ADK: variants seen among roughly 807,000 people sequenced by gnomAD.
ADK encodes the protein N6,N6-dimethyladenosine kinase.
Under a neutral mutation model 44.7 loss-of-function variants are expected in ADK, and 24 were observed. The observed-to-expected ratio is 0.54, with a 90% CI of 0.39 to 0.76. ADK has a LOEUF of 0.76. Ranked by LOEUF, ADK falls within the 30% of genes least tolerant of loss-of-function variation. ADK has a pLI of 0.00. For missense variants in ADK, 321 were observed against 425.1 expected (o/e 0.76, Z 2.15); for synonymous variants, 128 against 142.6 (o/e 0.90, Z 0.73).
chr10:74,595,007 C>T (rs1043482281), intron 8 of ADK, among the ~76,000 whole-genome samples: 3 of 151,974 alleles, frequency 2.0e-5, no homozygotes, highest in Admixed American at 2.0e-4. Context: ...GAAACCCCAT[C>T]TCCCCTTAAA....
chr10:74,189,099 C>T (rs1842873237), intron 1 of ADK, among the ~76,000 whole-genome samples: 1 of 152,130 alleles, frequency 6.6e-6, no homozygotes, highest in African/African-American at 2.4e-5. Context: ...CCCTAGTAGT[C>T]ATTCTAATGT....
intron 6 of ADK, among the ~76,000 whole-genome samples, chr10:74,460,344 G>A (rs1390210640): frequency 3.9e-5 from 6 of 152,116 alleles, no homozygotes; most frequent in Admixed American, 3.9e-4. Context: ...TTGCAGAGTT[G>A]GGGGTCATTT....
chr10:74,170,998 T>A (rs1057473102), intron 1 of ADK, among the ~76,000 whole-genome samples: 2 of 152,106 alleles, frequency 1.3e-5, no homozygotes, highest in Non-Finnish European at 2.9e-5. Flanking sequence ...ATATATGGTG[T>A]GTATTTTTTT....
intron 3 of ADK, among the ~76,000 whole-genome samples, chr10:74,272,517 C>T (rs553580485): frequency 2.9e-4 from 44 of 152,196 alleles, no homozygotes; most frequent in Non-Finnish European, 5.3e-4. Context: ...GCAAGCAATC[C>T]TCCTGCCTCA....
At chr10:74,405,761 C>T (rs1843900273) in intron 6 of ADK, among the ~76,000 whole-genome samples, 1 of 152,098 alleles carries the variant, frequency 6.6e-6, no homozygotes, top group Non-Finnish European at 1.5e-5. Flanking sequence ...GTGCCAAAAA[C>T]GTTGGAGACT....
At chr10:74,398,145 A>G (rs769361275) in intron 5 of ADK, among the ~76,000 whole-genome samples, 2 of 152,130 alleles carry the variant, frequency 1.3e-5, no homozygotes, top group Non-Finnish European at 2.9e-5. Context: ...TTCTTTTTAT[A>G]TAATGAGTTA....
intron 9 of ADK, among the ~76,000 whole-genome samples, chr10:74,659,666 A>C (rs1480826867): frequency 6.6e-6 from 1 of 152,226 alleles, no homozygotes; most frequent in Non-Finnish European, 1.5e-5. Context: ...AGGTCCCACA[A>C]TAGACCACCT....
At chr10:74,640,923 G>A (rs1853820452) in intron 9 of ADK, among the ~76,000 whole-genome samples, 1 of 152,100 alleles carries the variant, frequency 6.6e-6, no homozygotes, top group African/African-American at 2.4e-5. Context: ...TATTTTTAAA[G>A]CGTAGGCAAA....
rs577602857 is a variant in ADK at position 74,366,992 on chromosome 10, A to G, written c.274-27149A>G. Among the ~76,000 whole-genome samples the G allele has an allele frequency of 7.5e-4, 114 of 152,348 alleles. 1 individual carries two copies. The highest frequency in any genetic ancestry group is 2.6e-3 in the African/African-American group (110 of 41,576). ...ATGAAACCACACATTGTATGTGTTC[A>G]TTCCCACAAATTGGAGCATTTTAAG... On this transcript the variant is annotated intron_variant, in intron 4 of 10. Coordinates refer to ENST00000539909, the MANE Select transcript of ADK (RefSeq NM_006721.4).
intron 9 of ADK, among the ~76,000 whole-genome samples, chr10:74,648,676 C>CA (rs907509701): frequency 4.1e-5 from 6 of 147,754 alleles, no homozygotes; most frequent in African/African-American, 1.0e-4. Flanking sequence ...GACTCCATCT[C>CA]AAAAAAAAAG....
At chr10:74,295,972 C>G (rs546225260) in intron 3 of ADK, among the ~76,000 whole-genome samples, 12 of 151,420 alleles carry the variant, frequency 7.9e-5, no homozygotes, top group African/African-American at 2.7e-4. Context: ...TGTAAGAGTT[C>G]ATCAATTTTA....
intron 1 of ADK, among the ~76,000 whole-genome samples, chr10:74,156,578 A>G (rs1190731542): frequency 6.6e-6 from 1 of 152,232 alleles, no homozygotes; most frequent in African/African-American, 2.4e-5. Context: ...AAAAAAAGAA[A>G]ACAAAATATC....
chr10:74,609,605 T>C (rs998335704), intron 9 of ADK, among the ~76,000 whole-genome samples: 2 of 152,106 alleles, frequency 1.3e-5, no homozygotes, highest in African/African-American at 4.8e-5. Flanking sequence ...GAGCCAGGAC[T>C]CTCAGTTGGA....
chr10:74,524,741 A>G (rs188825002), intron 6 of ADK, among the ~76,000 whole-genome samples: 1 of 152,262 alleles, frequency 6.6e-6, no homozygotes, highest in Admixed American at 6.5e-5. Context: ...ACTTATAAGA[A>G]TACAAACTCA....
intron 3 of ADK, among the ~76,000 whole-genome samples, chr10:74,245,589 TTTTTG>T (rs1424078372): frequency 2.0e-3 from 146 of 73,666 alleles, no homozygotes; most frequent in African/African-American, 8.1e-3. Flanking sequence ...ATAGTTTTTG[TTTTTG>T]TTTTTTTTTT....
intron 1 of ADK, among the ~76,000 whole-genome samples, chr10:74,153,632 A>T (rs1841673405): frequency 6.6e-6 from 1 of 152,160 alleles, no homozygotes; most frequent in Non-Finnish European, 1.5e-5. Context: ...ATCTCTTTTA[A>T]CCCTCCCAGT....
In ADK at chr10:74,439,993, G is replaced by A. The variant is rs180697711; in HGVS notation, c.555+41414G>A. The stretch of plus-strand genomic sequence containing the variant: ...TTATAATAAGGTATTTCTCTTAATA[G>A]TTAATAATTAAACTTAGTTGATTAT... On this transcript the variant is annotated intron_variant, in intron 6 of 10. Transcript: ENST00000539909. Among the ~76,000 whole-genome samples, 666 of 151,818 alleles carry A rather than the reference G, an allele frequency of 4.4e-3. 2 individuals are homozygous for A. Among genetic ancestry groups the A allele is most frequent in the Middle Eastern group, 0.022 (6 of 278 alleles).
chr10:74,239,337 A>T (rs1417567905), intron 3 of ADK, among the ~76,000 whole-genome samples: 1 of 152,092 alleles, frequency 6.6e-6, no homozygotes, highest in African/African-American at 2.4e-5. Context: ...TCTCCGTTAG[A>T]TGAAAAGTAT....
intron 6 of ADK, among the ~76,000 whole-genome samples, chr10:74,438,963 G>T (rs1185483419): frequency 6.6e-6 from 1 of 152,164 alleles, no homozygotes; most frequent in Non-Finnish European, 1.5e-5. Flanking sequence ...TGAATTGGCT[G>T]CCTTTATCTA....
Sources: allele counts gnomAD v4.1 joint callset (sites outside exome capture counted in the v4.1 genomes callset), GRCh38; gene constraint gnomAD v4.1.1; transcripts MANE v1.5; gene names NCBI Gene and HGNC (gene_info 2026-07-23, HGNC 2026-07-21).